The following SEL1L3 variants were observed in gnomAD, a reference collection of about 807,000 sequenced individuals.
The protein encoded by SEL1L3 is SEL1L family member 3, also known as protein sel-1 homolog 3.
In SEL1L3, 76 loss-of-function variants were observed where a neutral mutation model predicts 142.8. The observed-to-expected ratio is 0.53, with a 90% CI of 0.44 to 0.64. The LOEUF is 0.64. Among genes scored for constraint, SEL1L3 ranks in the 30% least tolerant of loss-of-function variants. The pLI, the probability that SEL1L3 is intolerant of heterozygous loss-of-function variation, is 0.00. For missense variants in SEL1L3, 1,262 were observed against 1,381.7 expected (o/e 0.91, Z 1.37); for synonymous variants, 504 against 519.6 (o/e 0.97, Z 0.41).
chr4:25,849,065 G>A (rs1716721716), intron 1 of SEL1L3, among the ~76,000 whole-genome samples: 1 of 152,172 alleles, frequency 6.6e-6, no homozygotes, highest in African/African-American at 2.4e-5. Flanking sequence ...CTTGAACCCG[G>A]GAGGTGGAGG....
chr4:25,743,971 A>T (rs1717188205), downstream of SEL1L3, among the ~76,000 whole-genome samples: 1 of 152,188 alleles, frequency 6.6e-6, no homozygotes, highest in Non-Finnish European at 1.5e-5. Flanking sequence ...GGGCTTGAGA[A>T]GGTGTGTGCC....
At chr4:25,750,555 C>CAA (rs1255131725) in intron 23 of SEL1L3, among the ~76,000 whole-genome samples, 3 of 152,222 alleles carry the variant, frequency 2.0e-5, no homozygotes, top group African/African-American at 7.2e-5. Flanking sequence ...ATCATGCCTA[C>CAA]TTCATCTGGG....
At chr4:25,773,754 G>T (rs996912303) in intron 17 of SEL1L3, among the ~76,000 whole-genome samples, 3 of 152,136 alleles carry the variant, frequency 2.0e-5, no homozygotes, top group Non-Finnish European at 2.9e-5. Context: ...CACCTCTTTG[G>T]TTTCATTATA....
intron 14 of SEL1L3, 56 bp downstream of exon 14, chr4:25,784,172 G>T: frequency 1.5e-6 from 2 of 1,364,764 alleles, no homozygotes; most frequent in Non-Finnish European, 2.1e-6. Flanking sequence ...AGACGTGCGA[G>T]AGCGTGTGGG....
chr4:25,778,157 C>T (rs1464430759), intron 16 of SEL1L3, among the ~76,000 whole-genome samples: 1 of 151,962 alleles, frequency 6.6e-6, no homozygotes, highest in African/African-American at 2.4e-5. Flanking sequence ...ATGTGCTCCA[C>T]CAAAATTTAA....
chr4:25,792,904 T>G (rs1560305349), intron 11 of SEL1L3, among the ~76,000 whole-genome samples: 1 of 152,206 alleles, frequency 6.6e-6, no homozygotes, highest in Non-Finnish European at 1.5e-5. Context: ...TGTTTCCTCC[T>G]TGAATAAAGA....
intron 6 of SEL1L3, among the ~76,000 whole-genome samples, chr4:25,825,269 A>C (rs761269493): frequency 2.6e-5 from 4 of 152,112 alleles, no homozygotes; most frequent in Non-Finnish European, 5.9e-5. Flanking sequence ...TGATGTCTTC[A>C]TATTTTTCTC....
chr4:25,738,014 T>C, the SEL1L3 span, among the ~76,000 whole-genome samples: 71,110 of 151,866 alleles, frequency 0.47, 17,134 homozygotes, highest in East Asian at 0.67. Context: ...CTCAGCCGCC[T>C]GAGTAGCTGG....
At chr4:25,741,552 G>T in the SEL1L3 span, among the ~76,000 whole-genome samples, 1 of 152,062 alleles carries the variant, frequency 6.6e-6, no homozygotes, top group Admixed American at 6.6e-5. Flanking sequence ...CCTGTGCTTT[G>T]AATATTTTTT....
At chr4:25,720,806 T>C in the SEL1L3 span, 1 of 152,220 alleles carries the variant, frequency 6.6e-6, no homozygotes, top group African/African-American at 2.4e-5. Flanking sequence ...TGATGGATAG[T>C]GCTTGAAGTA....
chr4:25,739,797 AAC>A, the SEL1L3 span, among the ~76,000 whole-genome samples: 1 of 151,156 alleles, frequency 6.6e-6, no homozygotes, highest in African/African-American at 2.4e-5. Flanking sequence ...TGTGTGTAGA[AAC>A]ACAAATCTGT....
chr4:25,782,167 C>T, intron 15 of SEL1L3, 75 bp downstream of exon 15: 7 of 1,372,152 alleles, frequency 5.1e-6, no homozygotes, highest in Non-Finnish European at 7.2e-6. Flanking sequence ...GTCTGGTGCA[C>T]ACAGTGTACC....
intron 11 of SEL1L3, among the ~76,000 whole-genome samples, chr4:25,796,328 C>T (rs1712745995): frequency 6.6e-6 from 1 of 152,076 alleles, no homozygotes; most frequent in Non-Finnish European, 1.5e-5. Context: ...GGCGCAGTGG[C>T]TCACGCCTGT....
At chr4:25,832,389 T>TCCC (rs1715504175) in intron 5 of SEL1L3, among the ~76,000 whole-genome samples, 1 of 152,208 alleles carries the variant, frequency 6.6e-6, no homozygotes, top group Admixed American at 6.5e-5. Context: ...CTGTCTTCAA[T>TCCC]TAGAACAACA....
chr4:25,847,245 G>A, intron 2 of SEL1L3, 49 bp downstream of exon 2: 1 of 1,460,900 alleles, frequency 6.8e-7, no homozygotes, highest in Non-Finnish European at 9.4e-7. Flanking sequence ...CATGATACAG[G>A]CTATCTGAAA....
At chr4:25,837,932 G>A (rs892836563) in intron 2 of SEL1L3, among the ~76,000 whole-genome samples, 1 of 152,096 alleles carries the variant, frequency 6.6e-6, no homozygotes, top group South Asian at 2.1e-4. Flanking sequence ...TAATTTACAG[G>A]TAGGAAAACT....
intron 9 of SEL1L3, among the ~76,000 whole-genome samples, chr4:25,808,260 T>C (rs1226953833): frequency 6.6e-6 from 1 of 152,200 alleles, no homozygotes; most frequent in Non-Finnish European, 1.5e-5. Context: ...GAAGCAGCCA[T>C]TTTCCCATTT....
rs749812534 is a variant in SEL1L3 at position 25,818,245 on chromosome 4, C to A, written c.1457G>T (p.Arg486Leu). 1 of 1,602,182 alleles carries A rather than the reference C, an allele frequency of 6.2e-7. No homozygotes were observed. Among genetic ancestry groups the A allele is most frequent in the East Asian group, 2.2e-5 (1 of 44,456 alleles). ...HLHNSYLDLQ[R>L]RYGRPSMCRA... Reference sequence around the variant, plus strand: ...GCACATCGAGGGTCTCCCATACCTGCGCTGGAGGTCCAGGTAGGAGTTGTG... The same window carrying A: ...GCACATCGAGGGTCTCCCATACCTGAGCTGGAGGTCCAGGTAGGAGTTGTG... The change falls in exon 9 of 24, where the codon CGC becomes CTC. Residue 486 changes from arginine (R) to leucine (L), a missense_variant. Arg to Leu is a moderately radical substitution (Grantham distance 102). Transcript: ENST00000399878.
intron 9 of SEL1L3, among the ~76,000 whole-genome samples, chr4:25,816,314 A>G (rs1308029589): frequency 6.6e-6 from 1 of 152,052 alleles, no homozygotes; most frequent in Admixed American, 6.5e-5. Flanking sequence ...ACTAAGGCTC[A>G]GAGAAATTAA....
Sources: allele counts gnomAD v4.1 joint callset (sites outside exome capture counted in the v4.1 genomes callset), GRCh38; gene constraint gnomAD v4.1.1; transcripts MANE v1.5; gene names NCBI Gene and HGNC (gene_info 2026-07-23, HGNC 2026-07-21).